Variants in CNTLN observed in about 807,000 individuals in gnomAD.
The protein encoded by CNTLN is centlein, centrosomal protein.
Under a neutral mutation model 180.0 loss-of-function variants are expected in CNTLN, and 212 were observed. The observed-to-expected ratio is 1.18, with a 90% CI of 1.05 to 1.32. The LOEUF (loss-of-function observed/expected upper bound fraction) is 1.32, where lower values mean the gene tolerates loss of function less well. Among genes scored for constraint, CNTLN ranks in the 40% most tolerant of loss-of-function variants. CNTLN has a pLI of 0.00. For synonymous variants in CNTLN, 722 were observed against 563.1 expected (o/e 1.28, Z -3.99); for missense variants, 2,095 against 1,610.9 (o/e 1.30, Z -5.14).
At chr9:17,193,696 A>G (rs1478689419) in intron 2 of CNTLN, among the ~76,000 whole-genome samples, 1 of 152,082 alleles carries the variant, frequency 6.6e-6, no homozygotes, top group African/African-American at 2.4e-5. Flanking sequence ...CTGTTGGTAG[A>G]TTACCATTCT....
chr9:17,405,990 T>A (rs1014981148), intron 15 of CNTLN, among the ~76,000 whole-genome samples: 2 of 151,612 alleles, frequency 1.3e-5, no homozygotes, highest in African/African-American at 4.9e-5. Context: ...GGTCAGGCTC[T>A]GAATTTTAGA....
intron 2 of CNTLN, among the ~76,000 whole-genome samples, chr9:17,219,093 A>G (rs1326743905): frequency 6.6e-6 from 1 of 152,162 alleles, no homozygotes; most frequent in African/African-American, 2.4e-5. Context: ...TACAGATTTG[A>G]CAGCCTCTCT....
chr9:17,425,832 C>G (rs571731334), intron 18 of CNTLN, among the ~76,000 whole-genome samples: 1 of 152,214 alleles, frequency 6.6e-6, no homozygotes, highest in East Asian at 1.9e-4. Flanking sequence ...AATTTCTAAG[C>G]AAGCATTACA....
intron 14 of CNTLN, among the ~76,000 whole-genome samples, chr9:17,389,158 C>G (rs1825909225): frequency 6.6e-6 from 1 of 151,962 alleles, no homozygotes; most frequent in African/African-American, 2.4e-5. Context: ...TGTGATTGTT[C>G]ATACTTCTAA....
chr9:17,523,425 C>T, the CNTLN span, among the ~76,000 whole-genome samples: 2 of 151,894 alleles, frequency 1.3e-5, no homozygotes, highest in African/African-American at 2.4e-5. Context: ...TTAGTAGAGA[C>T]GGGGTTTCAT....
chr9:17,244,115 A>ATAGC (rs1432382638), intron 5 of CNTLN, among the ~76,000 whole-genome samples: 1 of 151,772 alleles, frequency 6.6e-6, no homozygotes, highest in Non-Finnish European at 1.5e-5. Flanking sequence ...TGATGGAGGT[A>ATAGC]TAGCTACTCC....
the CNTLN span, among the ~76,000 whole-genome samples, chr9:17,521,531 T>C: frequency 6.6e-6 from 1 of 152,222 alleles, no homozygotes; most frequent in African/African-American, 2.4e-5. Flanking sequence ...ACTTGTTTAA[T>C]AGCCTAGCTT....
intron 2 of CNTLN, among the ~76,000 whole-genome samples, chr9:17,211,381 T>C (rs1463736463): frequency 1.3e-5 from 2 of 152,302 alleles, no homozygotes; most frequent in South Asian, 2.1e-4. Flanking sequence ...TGTGGTATTA[T>C]TTCTGAGGGC....
chr9:17,474,227 G>T (rs943152279), intron 23 of CNTLN, among the ~76,000 whole-genome samples: 5 of 151,944 alleles, frequency 3.3e-5, no homozygotes, highest in Non-Finnish European at 7.4e-5. Context: ...TTTTCACTTG[G>T]ATGTCTAATA....
chr9:17,485,496 T>G (rs1251839479), intron 24 of CNTLN, among the ~76,000 whole-genome samples: 1 of 152,156 alleles, frequency 6.6e-6, no homozygotes, highest in Non-Finnish European at 1.5e-5. Context: ...CTTTGAAGTA[T>G]AAGAACAATA....
At chr9:17,439,794 G>C (rs1829999704) in intron 18 of CNTLN, among the ~76,000 whole-genome samples, 1 of 152,154 alleles carries the variant, frequency 6.6e-6, no homozygotes, top group Non-Finnish European at 1.5e-5. Context: ...TGGGATTAAT[G>C]CCCTTATAAA....
chr9:17,232,692 G>T (rs545630055), intron 3 of CNTLN, among the ~76,000 whole-genome samples: 14 of 152,062 alleles, frequency 9.2e-5, no homozygotes, highest in African/African-American at 3.4e-4. Context: ...ACACTTAACA[G>T]TCTAGTTTGG....
chr9:17,269,025 C>A (rs931790206), intron 5 of CNTLN, among the ~76,000 whole-genome samples: 2 of 152,172 alleles, frequency 1.3e-5, no homozygotes, highest in African/African-American at 4.8e-5. Flanking sequence ...GGCTAGCGCA[C>A]GGTGCGCTGC....
intron 5 of CNTLN, among the ~76,000 whole-genome samples, chr9:17,269,017 C>T (rs925934726): frequency 6.6e-6 from 1 of 152,102 alleles, no homozygotes; most frequent in Non-Finnish European, 1.5e-5. Flanking sequence ...CCTGCTCTGG[C>T]TAGCGCACGG....
intron 2 of CNTLN, among the ~76,000 whole-genome samples, chr9:17,187,477 A>G (rs909509032): frequency 2.0e-5 from 3 of 151,992 alleles, no homozygotes; most frequent in Admixed American, 6.5e-5. Context: ...AATTTGAGAA[A>G]ATAATCATAG....
intron 6 of CNTLN, among the ~76,000 whole-genome samples, chr9:17,278,138 C>G (rs1184497799): frequency 6.6e-6 from 1 of 152,026 alleles, no homozygotes; most frequent in Non-Finnish European, 1.5e-5. Flanking sequence ...TCTCCTTTAC[C>G]CTGGAATCAC....
chr9:17,257,231 G>A (rs2132324843), intron 5 of CNTLN, among the ~76,000 whole-genome samples: 1 of 151,956 alleles, frequency 6.6e-6, no homozygotes, highest in African/African-American at 2.4e-5. Flanking sequence ...GCGGTGTTTG[G>A]TATTTTGTTC....
chr9:17,335,247 G>A (rs1323426816), intron 10 of CNTLN, among the ~76,000 whole-genome samples: 3 of 152,038 alleles, frequency 2.0e-5, no homozygotes, highest in Non-Finnish European at 4.4e-5. Flanking sequence ...GGCTGGGCGC[G>A]GTGGCTCACG....
intron 2 of CNTLN, among the ~76,000 whole-genome samples, chr9:17,190,349 A>G (rs944883700): frequency 6.6e-6 from 1 of 151,900 alleles, no homozygotes; most frequent in African/African-American, 2.4e-5. Flanking sequence ...TCAGCTTTGT[A>G]TGCTGAGGAA....
Sources: gnomAD v4.1 joint callset for allele counts (sites outside exome capture counted in the v4.1 genomes callset) on GRCh38, gnomAD v4.1.1 for gene constraint, MANE v1.5 for transcripts, NCBI Gene and HGNC (gene_info 2026-07-23, HGNC 2026-07-21) for gene names.